Variants in KRIT1 observed in about 807,000 individuals in gnomAD.
KRIT1 encodes krev interaction trapped protein 1.
Under a neutral mutation model 95.8 loss-of-function variants are expected in KRIT1, and 45 were observed. The ratio of observed to expected loss-of-function variants is 0.47; its 90% CI spans 0.37 to 0.60. The LOEUF is 0.60. KRIT1 is among the 20% of genes least tolerant of loss of function. The pLI is 0.00. For synonymous variants in KRIT1, 282 were observed against 278.8 expected (o/e 1.01, Z -0.11); for missense variants, 788 against 877.5 (o/e 0.90, Z 1.29).
rs762248954 is a variant in KRIT1 at position 92,236,507 on chromosome 7, T to C, written c.391A>G (p.Ile131Val). 10 of 1,575,772 alleles carry C rather than the reference T, an allele frequency of 6.3e-6. No homozygotes were observed. The East Asian group carries it at 1.3e-4, about 21-fold the overall frequency. Residue 131 changes from isoleucine to valine, a missense_variant, in exon 7 of 19, where the codon ATT becomes GTT. Transcript: ENST00000394505. ...ATAATATCTTGTAAGCAGTAAAAAA[T>C]TGGGCATCCTGGGGTATATGTGTAT... The part of the protein sequence containing the change: ...TKYTYTPGCP[I>V]FYCLQDIMRV...
Position 92,235,625 on chromosome 7 carries a change from T to C in KRIT1, c.507A>G (p.Ala169=). The change falls in exon 8 of 19, where the codon GCA becomes GCG. Residue 169 remains alanine (A), a synonymous_variant. Coordinates refer to ENST00000394505, the MANE Select transcript of KRIT1 (RefSeq NM_194454.3). ...ALDKWLDERH[A]QSHFIPALFR... ...ATAAAGCTGGAATAAAGTGAGATTGTGCATGACGTTCATCTAACCACCTGG... is the reference window on the plus strand; with the variant it reads ...ATAAAGCTGGAATAAAGTGAGATTGCGCATGACGTTCATCTAACCACCTGG... 1.2e-6 allele frequency: 2 copies of C among 1,613,834 alleles called. No homozygotes were observed. Among genetic ancestry groups the C allele is most frequent in the Non-Finnish European group, 8.5e-7 (1 of 1,179,886 alleles).
At chr7:92,226,717 C>G (rs1430013270) in intron 10 of KRIT1, 35 bp from the exon 11 acceptor site, 2 of 1,595,072 alleles carry the variant, frequency 1.3e-6, no homozygotes, top group Non-Finnish European at 1.7e-6. Flanking sequence ...AAAACAACAA[C>G]AAAAAAAACT....
intron 10 of KRIT1, among the ~76,000 whole-genome samples, chr7:92,232,303 T>G (rs1797461865): frequency 6.6e-6 from 1 of 152,104 alleles, no homozygotes. Flanking sequence ...GTAATTTTTC[T>G]TTTACTATTA....
chr7:92,225,905 C>G lies in KRIT1; in HGVS notation c.1147-78G>C, dbSNP rs144281821. On this transcript the variant is annotated intron_variant, in intron 11 of 18. Coordinates refer to ENST00000394505, the MANE Select transcript of KRIT1 (RefSeq NM_194454.3). ...TAAGGGAAAATGTCATCCAATTAAT[C>G]ACAGTTTCATAAAAAAGAGACTCTT... The G allele has an allele frequency of 1.9e-4, 153 of 785,958 alleles. 1 individual carries two copies. The East Asian group carries it at 3.5e-3, about 18-fold the overall frequency. 48.7% of individuals were successfully genotyped at this position (785,958 alleles called of 1,614,324 possible).
chr7:92,241,579 TA>T (rs1799655004), intron 4 of KRIT1, among the ~76,000 whole-genome samples: 1 of 152,236 alleles, frequency 6.6e-6, no homozygotes, highest in Non-Finnish European at 1.5e-5. Context: ...CATATAGCCT[TA>T]ATTATATGTT....
chr7:92,203,198 T>C (rs1356779118), intron 17 of KRIT1, among the ~76,000 whole-genome samples: 7 of 152,224 alleles, frequency 4.6e-5, no homozygotes, highest in African/African-American at 1.7e-4. Flanking sequence ...TCCCATGTAG[T>C]GTTTTAAATG....
chr7:92,231,835 G>A (rs1209757033), intron 10 of KRIT1, among the ~76,000 whole-genome samples: 2 of 151,990 alleles, frequency 1.3e-5, no homozygotes, highest in South Asian at 2.1e-4. Flanking sequence ...TCTTTTCCTT[G>A]GCATACTCAA....
At chr7:92,229,998 T>C (rs1796955349) in intron 10 of KRIT1, among the ~76,000 whole-genome samples, 1 of 152,178 alleles carries the variant, frequency 6.6e-6, no homozygotes, top group Non-Finnish European at 1.5e-5. Flanking sequence ...AGAATGAATT[T>C]AGAGAAATGT....
intron 6 of KRIT1, among the ~76,000 whole-genome samples, chr7:92,236,844 C>A (rs1049493892): frequency 1.3e-5 from 2 of 152,098 alleles, no homozygotes; most frequent in African/African-American, 4.8e-5. Context: ...ACTTTTTAAC[C>A]TAAGTATGCC....
chr7:92,214,716 C>G lies in KRIT1; in HGVS notation c.1625G>C (p.Gly542Ala). 1 of 1,608,146 alleles carries G rather than the reference C, an allele frequency of 6.2e-7. No homozygotes were observed. Among genetic ancestry groups the G allele is most frequent in the Non-Finnish European group, 8.5e-7 (1 of 1,174,728 alleles). The change falls in exon 15 of 19, where the codon GGC becomes GCC. Residue 542 changes from glycine to alanine, a missense_variant. Physicochemically the swap from Gly to Ala is moderately conservative, Grantham distance 60. Coordinates refer to ENST00000394505, the MANE Select transcript of KRIT1 (RefSeq NM_194454.3). ...FDEARYNLLK[G>A]FYTAPDAKLI... ...CTTAGCATCAGGAGCTGTATAAAAG[C>G]CCTTCAATAAATTATATCTGGCTTC... is the stretch of plus-strand genomic sequence containing the variant.
At chr7:92,217,062 A>G (rs774093221) in intron 14 of KRIT1, among the ~76,000 whole-genome samples, 6 of 152,218 alleles carry the variant, frequency 3.9e-5, no homozygotes, top group Admixed American at 6.5e-5. Context: ...CTGGTTTACC[A>G]TAAGAACTTA....
At chr7:92,220,894 T>C (rs941662796) in intron 14 of KRIT1, among the ~76,000 whole-genome samples, 1 of 151,472 alleles carries the variant, frequency 6.6e-6, no homozygotes, top group African/African-American at 2.4e-5. Flanking sequence ...TTCACCATCT[T>C]GGCCGGGCTG....
chr7:92,243,155 T>G (rs1382356176), intron 3 of KRIT1, among the ~76,000 whole-genome samples: 1 of 151,876 alleles, frequency 6.6e-6, no homozygotes, highest in South Asian at 2.1e-4. Flanking sequence ...ATATTCACTG[T>G]GTGTGTGTGT....
chr7:92,226,412 GA>G, intron 11 of KRIT1, 113 bp downstream of exon 11: 1 of 819,018 alleles, frequency 1.2e-6, no homozygotes, highest in South Asian at 1.4e-5. Flanking sequence ...TAAAGTAATG[GA>G]ATTTATTTTT....
chr7:92,201,775 G>A (rs544702166), intron 17 of KRIT1, among the ~76,000 whole-genome samples: 1 of 151,954 alleles, frequency 6.6e-6, no homozygotes, highest in Non-Finnish European at 1.5e-5. Flanking sequence ...TTATGAGTGA[G>A]AACATGCGGT....
At chr7:92,207,843 G>A (rs1171283848) in intron 17 of KRIT1, among the ~76,000 whole-genome samples, 1 of 152,110 alleles carries the variant, frequency 6.6e-6, no homozygotes, top group Non-Finnish European at 1.5e-5. Flanking sequence ...AGGCGACAGA[G>A]CAGGACTCTG....
In KRIT1 at chr7:92,214,615, G is replaced by C; in HGVS notation, c.1726C>G (p.Leu576Val). The C allele has an allele frequency of 1.2e-6, 2 of 1,609,440 alleles. No individual in the cohort carries two copies. Among genetic ancestry groups the C allele is most frequent in the South Asian group, 2.2e-5 (2 of 90,998 alleles). The part of the protein sequence containing the change: ...YESKKHKQGF[L>V]NEENLKSIVP... ...TGCATAATATTAAATACTTACTTTA[G>C]GAAACCTTGCTTGTGTTTTTTACTC... is the stretch of plus-strand genomic sequence containing the variant. Residue 576 changes from leucine to valine, a missense_variant, in exon 15 of 19, where the codon CTA (leucine) becomes GTA (valine). Around this residue, in one of 3 missense-constraint regions of KRIT1, gnomAD observed 493 missense variants for 582.3 expected, o/e 0.85. Transcript: ENST00000394505.
chr7:92,232,236 T>A (rs1049235041), intron 10 of KRIT1, among the ~76,000 whole-genome samples: 2 of 152,154 alleles, frequency 1.3e-5, no homozygotes, highest in Non-Finnish European at 2.9e-5. Context: ...CCAACACTTA[T>A]TCTTAAAAGC....
rs745707477 is a variant in KRIT1, at chr7:92,200,726, T to TAAA, written c.*9_*10insTTT. 5.8e-6 allele frequency: 9 copies of TAAA among 1,558,498 alleles called. No homozygotes were observed. Among genetic ancestry groups the TAAA allele is most frequent in the Non-Finnish European group, 8.0e-6 (9 of 1,129,334 alleles). ...AAAATGTGGTGGCTTGAGTAACAGT[T>TAAA]ACTTCTCTTTCATGAATTTCTTTCA... On this transcript the variant is annotated 3_prime_UTR_variant, in exon 19 of 19. Coordinates refer to ENST00000394505, the MANE Select transcript of KRIT1 (RefSeq NM_194454.3).
Sources: allele counts gnomAD v4.1 joint callset (sites outside exome capture counted in the v4.1 genomes callset), GRCh38; gene constraint gnomAD v4.1.1; regional missense constraint gnomAD v4.1.1; transcripts MANE v1.5; gene names NCBI Gene and HGNC (gene_info 2026-07-23, HGNC 2026-07-21).